Variants in EBF1 observed in about 807,000 individuals in gnomAD.
EBF1 encodes the protein transcription factor COE1.
EBF1 carries 10 observed loss-of-function variants against 68.4 expected under a neutral mutation model. The ratio of observed to expected loss-of-function variants is 0.15; its 90% CI spans 0.09 to 0.25. The LOEUF is 0.25. EBF1 is among the 10% of genes least tolerant of loss of function. The pLI is 1.00. For missense variants in EBF1, 509 were observed against 794.4 expected (o/e 0.64, Z 4.32); for synonymous variants, 298 against 299.8 (o/e 0.99, Z 0.06).
At chr5:158,734,509 C>A (rs1243201041) in intron 10 of EBF1, among the ~76,000 whole-genome samples, 1 of 151,992 alleles carries the variant, frequency 6.6e-6, no homozygotes, top group East Asian at 1.9e-4. Context: ...GAGAGGGTAA[C>A]AGGGAGGAAT....
intron 6 of EBF1, among the ~76,000 whole-genome samples, chr5:159,056,398 C>G (rs1774729070): frequency 6.6e-6 from 1 of 152,146 alleles, no homozygotes; most frequent in Non-Finnish European, 1.5e-5. Context: ...TGAAACAGTA[C>G]AGAAGCTGCC....
chr5:158,891,673 T>C (rs1404649211), intron 6 of EBF1, among the ~76,000 whole-genome samples: 1 of 152,204 alleles, frequency 6.6e-6, no homozygotes, highest in East Asian at 1.9e-4. Flanking sequence ...GTAAATTACA[T>C]AGGTATGTTT....
intron 11 of EBF1, among the ~76,000 whole-genome samples, chr5:158,720,465 G>T (rs1183036245): frequency 1.3e-5 from 2 of 152,148 alleles, no homozygotes; most frequent in African/African-American, 2.4e-5. Flanking sequence ...CACAATGGTA[G>T]ACTTTGCATT....
Position 158,721,423 on chromosome 5 carries a change from G to GA in EBF1, c.1126-7242dup, listed in dbSNP as rs200842129. Among the ~76,000 whole-genome samples the GA allele has an allele frequency of 6.3e-3, 944 of 149,122 alleles. 4 individuals carry two copies. The highest frequency in any genetic ancestry group is 0.028 in the East Asian group (143 of 5,138). Reference sequence around the variant, plus strand: ...TCAAGCAACTGTTATTGCCACAATGGAAAAAAAAAATCAATGAAAGTGAAA... The same window carrying GA: ...TCAAGCAACTGTTATTGCCACAATGGAAAAAAAAAAATCAATGAAAGTGAAA... On this transcript the variant is annotated intron_variant, in intron 11 of 15. Coordinates refer to ENST00000313708, the MANE Select transcript of EBF1 (RefSeq NM_024007.5).
chr5:158,788,537 G>C (rs1777916204), intron 9 of EBF1, among the ~76,000 whole-genome samples: 2 of 152,164 alleles, frequency 1.3e-5, no homozygotes, highest in Admixed American at 1.3e-4. Flanking sequence ...TGTGGCTTTA[G>C]AAAAGAGAAA....
intron 6 of EBF1, among the ~76,000 whole-genome samples, chr5:158,896,464 T>C (rs932270855): frequency 1.3e-5 from 2 of 152,238 alleles, no homozygotes; most frequent in Non-Finnish European, 2.9e-5. Context: ...ATGTACTACA[T>C]GCTGACTGTT....
chr5:158,821,422 G>A (rs1346502117), intron 8 of EBF1, among the ~76,000 whole-genome samples: 1 of 152,142 alleles, frequency 6.6e-6, no homozygotes, highest in South Asian at 2.1e-4. Context: ...CTGGTGTCAG[G>A]AGCTTTCTCA....
intron 6 of EBF1, among the ~76,000 whole-genome samples, chr5:158,928,458 A>G (rs556990338): frequency 2.6e-5 from 4 of 152,354 alleles, no homozygotes; most frequent in African/African-American, 9.6e-5. Context: ...TATGAAAAAA[A>G]ATAATTTTTT....
chr5:158,759,706 G>A (rs1235606302), intron 10 of EBF1, among the ~76,000 whole-genome samples: 1 of 152,044 alleles, frequency 6.6e-6, no homozygotes, highest in Non-Finnish European at 1.5e-5. Flanking sequence ...CACTGTACCA[G>A]ATCATCCTCC....
intron 7 of EBF1, among the ~76,000 whole-genome samples, chr5:158,828,547 G>C (rs186624549): frequency 6.6e-6 from 1 of 152,040 alleles, no homozygotes; most frequent in East Asian, 1.9e-4. Context: ...CAATTTTATA[G>C]AACTAAAAAT....
At chr5:158,996,672 C>G (rs1761477865) in intron 6 of EBF1, among the ~76,000 whole-genome samples, 1 of 152,144 alleles carries the variant, frequency 6.6e-6, no homozygotes, top group Admixed American at 6.5e-5. Flanking sequence ...CTTAAGCAGC[C>G]TTACAGGAAC....
intron 6 of EBF1, among the ~76,000 whole-genome samples, chr5:158,990,277 C>A (rs1445059722): frequency 6.6e-6 from 1 of 152,200 alleles, no homozygotes; most frequent in Non-Finnish European, 1.5e-5. Flanking sequence ...GGGTTCCTAC[C>A]AGGAAGGCCT....
intron 6 of EBF1, 135 bp from the exon 7 acceptor site, chr5:158,840,245 C>T (rs1443852965): frequency 3.1e-6 from 2 of 654,030 alleles, no homozygotes; most frequent in African/African-American, 1.8e-5. Context: ...GTGTTAGAGC[C>T]AATATTTCAT....
intron 6 of EBF1, among the ~76,000 whole-genome samples, chr5:159,002,447 G>T (rs900810152): frequency 6.6e-6 from 1 of 152,176 alleles, no homozygotes; most frequent in Non-Finnish European, 1.5e-5. Flanking sequence ...CACAGTGATT[G>T]ATGGTGTAGT....
intron 10 of EBF1, among the ~76,000 whole-genome samples, chr5:158,746,078 C>T (rs1015499937): frequency 1.3e-5 from 2 of 152,124 alleles, no homozygotes; most frequent in Non-Finnish European, 2.9e-5. Context: ...TTATTTCCAG[C>T]TTGGGGGAAG....
At chr5:158,822,870 C>G (rs1785163691) in intron 8 of EBF1, among the ~76,000 whole-genome samples, 2 of 152,100 alleles carry the variant, frequency 1.3e-5, no homozygotes, top group African/African-American at 4.8e-5. Context: ...ATTTTGTAAT[C>G]CAGTGGGAGC....
intron 1 of EBF1, among the ~76,000 whole-genome samples, chr5:159,098,501 C>T (rs1783049855): frequency 6.6e-6 from 1 of 151,130 alleles, no homozygotes; most frequent in Admixed American, 6.6e-5. Flanking sequence ...TAAGAGAAGA[C>T]TCAGGGGAGA....
At chr5:159,096,657 C>T (rs571176895) in intron 2 of EBF1, 46 of 606,758 alleles carry the variant, frequency 7.6e-5, no homozygotes, top group African/African-American at 7.2e-4. Flanking sequence ...CCTAGGGGCT[C>T]GTGCCCCGGC....
At chr5:158,969,919 A>AGAAAGAAAGAAAGAAAGAAAG (rs199980397) in intron 6 of EBF1, among the ~76,000 whole-genome samples, 16 of 60,216 alleles carry the variant, frequency 2.7e-4, no homozygotes, top group South Asian at 6.7e-4. Flanking sequence ...AAAGAAAGAA[A>AGAAAGAAAGAAAGAAAGAAAG]AAAAAAAAAA....
Sources: gnomAD v4.1 joint callset for allele counts (sites outside exome capture counted in the v4.1 genomes callset) on GRCh38, gnomAD v4.1.1 for gene constraint, MANE v1.5 for transcripts, NCBI Gene and HGNC (gene_info 2026-07-23, HGNC 2026-07-21) for gene names.